HMGCLL1: variants seen among roughly 807,000 people sequenced by gnomAD.
The protein encoded by HMGCLL1 is 3-hydroxymethyl-3-methylglutaryl-CoA lyase, cytoplasmic.
Under a neutral mutation model 39.1 loss-of-function variants are expected in HMGCLL1, and 36 were observed. That is an observed-to-expected ratio of 0.92 (90% CI 0.71 to 1.22). The LOEUF (loss-of-function observed/expected upper bound fraction) is 1.22. HMGCLL1 is among the 50% of genes most tolerant of loss of function. The pLI is 0.00. For synonymous variants in HMGCLL1, 149 were observed against 144.0 expected, an observed-to-expected ratio of 1.03 and a Z score of -0.25; for missense variants, 451 against 416.5, an observed-to-expected ratio of 1.08 and a Z score of -0.72.
At chr6:55,521,664 G>T (rs11965395) in intron 3 of HMGCLL1, among the ~76,000 whole-genome samples, 5,855 of 152,028 alleles carry the variant, frequency 0.039, 333 homozygotes, top group African/African-American at 0.13. Flanking sequence ...AATAAGTAAA[G>T]GTTGTGTGTG....
the HMGCLL1 span, among the ~76,000 whole-genome samples, chr6:55,669,209 G>T: frequency 1.3e-5 from 2 of 151,482 alleles, no homozygotes; most frequent in Non-Finnish European, 2.9e-5. Context: ...CAAAAGTTTC[G>T]CCAACTGAAT....
chr6:55,481,689 CA>C (rs1303772531), intron 7 of HMGCLL1, among the ~76,000 whole-genome samples: 7 of 150,500 alleles, frequency 4.7e-5, no homozygotes, highest in East Asian at 2.0e-4. Context: ...TTTTGTCATG[CA>C]AAAAAAACTT....
Position 55,439,552 on chromosome 6 carries a change from A to T in HMGCLL1, c.803T>A (p.Ile268Asn), listed in dbSNP as rs1763509277. ...GGATACTGCGGAGTCCACCACATTA[A>T]TTCCCATCTGGAAAACAAACCAAAC... ...ANILTALQMGINVVDSAVSGL... is the reference protein window; with the variant it reads ...ANILTALQMGNNVVDSAVSGL... Residue 268 changes from isoleucine to asparagine, a missense_variant, in exon 8 of 9, where the codon ATT (isoleucine) becomes AAT (asparagine). Transcript: ENST00000274901. 1 of 1,611,866 alleles carries T rather than the reference A, an allele frequency of 6.2e-7. No homozygotes were observed. Among genetic ancestry groups the T allele is most frequent in the South Asian group, 1.1e-5 (1 of 90,814 alleles).
At chr6:55,525,142 T>C (rs1768251413) in intron 3 of HMGCLL1, among the ~76,000 whole-genome samples, 1 of 151,848 alleles carries the variant, frequency 6.6e-6, no homozygotes, top group African/African-American at 2.4e-5. Context: ...TTTCCCTTAC[T>C]TCAATCCACA....
At chr6:55,531,644 T>A (rs114658008) in intron 3 of HMGCLL1, among the ~76,000 whole-genome samples, 3,563 of 152,162 alleles carry the variant, frequency 0.023, 133 homozygotes, top group African/African-American at 0.082. Context: ...TGGTTAGGAA[T>A]GGGGCCACAC....
At chr6:55,493,012 A>G (rs1766392994) in intron 7 of HMGCLL1, among the ~76,000 whole-genome samples, 1 of 151,708 alleles carries the variant, frequency 6.6e-6, no homozygotes, top group South Asian at 2.1e-4. Context: ...AGTTTAGCGT[A>G]AGCCGAAGAT....
chr6:55,552,521 A>G (rs189901156), intron 1 of HMGCLL1, among the ~76,000 whole-genome samples: 4 of 152,064 alleles, frequency 2.6e-5, no homozygotes, highest in Admixed American at 6.5e-5. Flanking sequence ...TCATTTACTC[A>G]TCTATAAAAA....
At chr6:55,513,992 A>G in intron 5 of HMGCLL1, 56 bp downstream of exon 5, 1 of 1,453,416 alleles carries the variant, frequency 6.9e-7, no homozygotes, top group Non-Finnish European at 9.5e-7. Context: ...ATAATTTTTG[A>G]GTAAGCTTTA....
intron 1 of HMGCLL1, among the ~76,000 whole-genome samples, chr6:55,543,491 A>C (rs1197129735): frequency 5.8e-4 from 7 of 12,148 alleles, no homozygotes; most frequent in African/African-American, 1.4e-3. Flanking sequence ...TATATATGAT[A>C]TATATCATAT....
chr6:55,595,155 A>C, the HMGCLL1 span, among the ~76,000 whole-genome samples: 3 of 152,232 alleles, frequency 2.0e-5, no homozygotes, highest in East Asian at 5.8e-4. Flanking sequence ...GGTTGTACTG[A>C]CCACGTGAAA....
At chr6:55,598,108 A>T in the HMGCLL1 span, among the ~76,000 whole-genome samples, 1 of 152,162 alleles carries the variant, frequency 6.6e-6, no homozygotes, top group Non-Finnish European at 1.5e-5. Flanking sequence ...TCATCAGTGG[A>T]TGTGTTCAAA....
chr6:55,607,869 G>A, the HMGCLL1 span, among the ~76,000 whole-genome samples: 96 of 152,266 alleles, frequency 6.3e-4, no homozygotes, highest in South Asian at 2.7e-3. Flanking sequence ...CTAAATATTT[G>A]TGAGTTGAAG....
chr6:55,526,935 C>T (rs559836316), intron 3 of HMGCLL1, among the ~76,000 whole-genome samples: 33 of 152,026 alleles, frequency 2.2e-4, no homozygotes, highest in African/African-American at 7.9e-4. Flanking sequence ...TTGTTGATTC[C>T]CAACCTTGTT....
chr6:55,566,770 G>A, intron 1 of HMGCLL1: 1 of 331,426 alleles, frequency 3.0e-6, no homozygotes, highest in South Asian at 2.6e-5. Flanking sequence ...GGAACAAATA[G>A]GCTTTCAAAT....
chr6:55,467,772 C>T (rs73746309), intron 7 of HMGCLL1, among the ~76,000 whole-genome samples: 31,218 of 151,870 alleles, frequency 0.21, 4,066 homozygotes, highest in African/African-American at 0.38. Context: ...GCATATGCTA[C>T]ATGCTAGGCC....
intron 7 of HMGCLL1, among the ~76,000 whole-genome samples, chr6:55,487,213 C>T (rs762296622): frequency 1.3e-5 from 2 of 151,366 alleles, no homozygotes; most frequent in African/African-American, 2.4e-5. Context: ...TTTTTTTTTA[C>T]AATTTGTGTG....
At chr6:55,488,263 A>G (rs1458475259) in intron 7 of HMGCLL1, among the ~76,000 whole-genome samples, 1 of 152,086 alleles carries the variant, frequency 6.6e-6, no homozygotes, top group African/African-American at 2.4e-5. Context: ...AGTCTTTAGT[A>G]GATGTAGCCA....
At chr6:55,578,298 A>C (rs767144927) in intron 1 of HMGCLL1, among the ~76,000 whole-genome samples, 1 of 151,994 alleles carries the variant, frequency 6.6e-6, no homozygotes, top group Non-Finnish European at 1.5e-5. Context: ...CCTTTTCTTT[A>C]TTTATCTGAC....
intron 5 of HMGCLL1, among the ~76,000 whole-genome samples, chr6:55,506,529 A>T (rs1282947537): frequency 6.6e-6 from 1 of 151,706 alleles, no homozygotes; most frequent in Admixed American, 6.6e-5. Flanking sequence ...TTCCAGAATA[A>T]ACAATTCATA....
Sources: gnomAD v4.1 joint callset for allele counts (sites outside exome capture counted in the v4.1 genomes callset) on GRCh38, gnomAD v4.1.1 for gene constraint, MANE v1.5 for transcripts, NCBI Gene and HGNC (gene_info 2026-07-23, HGNC 2026-07-21) for gene names.